The following ENOX1 variants were observed in gnomAD, a reference collection of about 807,000 sequenced individuals.
ENOX1 encodes ecto-NOX disulfide-thiol exchanger 1.
Under a neutral mutation model 82.5 loss-of-function variants are expected in ENOX1, and 42 were observed. The ratio of observed to expected loss-of-function variants is 0.51; its 90% CI spans 0.40 to 0.66. ENOX1 has a LOEUF of 0.66. Among genes scored for constraint, ENOX1 ranks in the 30% least tolerant of loss-of-function variants. The pLI, the probability that ENOX1 is intolerant of heterozygous loss-of-function variation, is 0.00. For synonymous variants in ENOX1, 271 were observed against 282.2 expected (o/e 0.96, Z 0.40); for missense variants, 608 against 811.6 (o/e 0.75, Z 3.05).
intron 3 of ENOX1, among the ~76,000 whole-genome samples, chr13:43,437,040 G>A (rs2056071906): frequency 6.6e-6 from 1 of 152,112 alleles, no homozygotes; most frequent in South Asian, 2.1e-4. Context: ...TGCTGAAGAG[G>A]CCTAAATACA....
chr13:43,658,138 T>A (rs1566721153), intron 2 of ENOX1, among the ~76,000 whole-genome samples: 1 of 152,194 alleles, frequency 6.6e-6, no homozygotes, highest in Non-Finnish European at 1.5e-5. Flanking sequence ...TATAAAAAGT[T>A]ATGTTTATGA....
In ENOX1 at chr13:43,658,816, C is replaced by G. The variant is rs535853076; in HGVS notation, c.-219+8663G>C. ...TGTGTTGGTCCTATCTCTGGGATACCAGGTCTTTCTTTTTATTAGTTTACC... is the reference window on the plus strand; with the variant it reads ...TGTGTTGGTCCTATCTCTGGGATACGAGGTCTTTCTTTTTATTAGTTTACC... On this transcript the variant is annotated intron_variant, in intron 2 of 16. Transcript: ENST00000690772. 3.9e-5 allele frequency among the ~76,000 whole-genome samples: 6 copies of G among 152,232 alleles called. No individual in the cohort carries two copies. The South Asian group carries it at 1.0e-3, about 26-fold the overall frequency.
At chr13:43,448,797 A>G (rs965302040) in intron 3 of ENOX1, among the ~76,000 whole-genome samples, 7 of 152,202 alleles carry the variant, frequency 4.6e-5, no homozygotes, top group African/African-American at 1.7e-4. Context: ...CCAAGAAAGC[A>G]CTTTAACTCA....
chr13:43,268,343 A>T lies in ENOX1; in HGVS notation c.1554+1127T>A, dbSNP rs1175385494. 3.3e-5 allele frequency among the ~76,000 whole-genome samples: 5 copies of T among 152,364 alleles called. No homozygotes were observed. The East Asian group carries it at 9.6e-4, about 29-fold the overall frequency. ...CTCAACTGCAGGTCATTGTGAATTC[A>T]GTCAACTAGATTTTTCATTTCAATC... On this transcript the variant is annotated intron_variant, in intron 13 of 16. Coordinates refer to ENST00000690772, the MANE Select transcript of ENOX1 (RefSeq NM_001347969.2).
intron 8 of ENOX1, among the ~76,000 whole-genome samples, chr13:43,353,144 A>C (rs1295089297): frequency 6.6e-6 from 1 of 152,224 alleles, no homozygotes; most frequent in Non-Finnish European, 1.5e-5. Context: ...ACATCTGGTC[A>C]TGCCCAGTAG....
intron 2 of ENOX1, among the ~76,000 whole-genome samples, chr13:43,659,606 G>C (rs187909221): frequency 6.6e-6 from 1 of 151,706 alleles, no homozygotes; most frequent in African/African-American, 2.4e-5. Flanking sequence ...AATGTCTCAC[G>C]ATCCTTGGCT....
intron 15 of ENOX1, among the ~76,000 whole-genome samples, chr13:43,227,449 T>A (rs2042077376): frequency 6.6e-6 from 1 of 152,216 alleles, no homozygotes. Context: ...ATTCTATTAG[T>A]CTATTATTGA....
At chr13:43,372,702 C>T (rs1252875178) in intron 5 of ENOX1, among the ~76,000 whole-genome samples, 1 of 151,992 alleles carries the variant, frequency 6.6e-6, no homozygotes, top group African/African-American at 2.4e-5. Flanking sequence ...AAGCATAAAC[C>T]ATATGAAATA....
intron 2 of ENOX1, among the ~76,000 whole-genome samples, chr13:43,586,554 C>A (rs1228972598): frequency 3.3e-5 from 5 of 152,208 alleles, no homozygotes; most frequent in Admixed American, 3.3e-4. Context: ...ATCTCTTTGT[C>A]TGCAGTGGCT....
At chr13:43,389,129 G>A (rs1243740103) in intron 5 of ENOX1, among the ~76,000 whole-genome samples, 2 of 152,168 alleles carry the variant, frequency 1.3e-5, no homozygotes, top group Non-Finnish European at 2.9e-5. Flanking sequence ...CTGTTGATAA[G>A]CATATAACTA....
chr13:43,611,282 C>T (rs1175876501), intron 2 of ENOX1, among the ~76,000 whole-genome samples: 1 of 152,106 alleles, frequency 6.6e-6, no homozygotes, highest in African/African-American at 2.4e-5. Flanking sequence ...ATCTGTTAGG[C>T]ATTAAGAATT....
chr13:43,625,159 G>T (rs1410229990), intron 2 of ENOX1, among the ~76,000 whole-genome samples: 1 of 151,908 alleles, frequency 6.6e-6, no homozygotes, highest in African/African-American at 2.4e-5. Context: ...TTCAATTTCT[G>T]TGTCAATGTG....
intron 2 of ENOX1, among the ~76,000 whole-genome samples, chr13:43,586,230 T>C (rs1282058719): frequency 2.0e-5 from 3 of 152,190 alleles, no homozygotes; most frequent in Non-Finnish European, 4.4e-5. Context: ...TTCTAAGACA[T>C]AAATCTGAAA....
At chr13:43,735,420 A>T (rs983407349) in intron 1 of ENOX1, among the ~76,000 whole-genome samples, 3 of 152,286 alleles carry the variant, frequency 2.0e-5, no homozygotes, top group Non-Finnish European at 2.9e-5. Flanking sequence ...GGAGGGTAAA[A>T]GGAAAAAGGG....
chr13:43,752,235 C>G (rs768844134), intron 1 of ENOX1, among the ~76,000 whole-genome samples: 15 of 151,956 alleles, frequency 9.9e-5, no homozygotes, highest in Non-Finnish European at 2.2e-4. Context: ...AGGTTGTTTT[C>G]TTATTATTAC....
At chr13:43,269,377 T>G in intron 13 of ENOX1, 93 bp downstream of exon 13, 1 of 963,610 alleles carries the variant, frequency 1.0e-6, no homozygotes, top group South Asian at 1.4e-5. Context: ...TGCAGATTAC[T>G]TTCAGTAAAT....
At chr13:43,689,942 C>A (rs1409590130) in intron 1 of ENOX1, among the ~76,000 whole-genome samples, 1 of 152,130 alleles carries the variant, frequency 6.6e-6, no homozygotes, top group Non-Finnish European at 1.5e-5. Flanking sequence ...AGAAGCTAGA[C>A]TTCACCCTGA....
At position 43,596,214 on chromosome 13, in the gene ENOX1, G is replaced by T. The variant is rs562538911; in HGVS notation, c.-219+71265C>A. Among the ~76,000 whole-genome samples, 20 of 152,266 alleles carry T rather than the reference G, an allele frequency of 1.3e-4. No individual in the cohort carries two copies. In the South Asian group the frequency reaches 2.3e-3, roughly 17 times the overall value. On this transcript the variant is annotated intron_variant, in intron 2 of 16. Coordinates refer to ENST00000690772, the MANE Select transcript of ENOX1 (RefSeq NM_001347969.2). ...GTTAACATAGATTTTAAACATCTGG[G>T]GACAGGGGAAAAGATCTATCGGGAG... is the stretch of plus-strand genomic sequence containing the variant.
intron 2 of ENOX1, among the ~76,000 whole-genome samples, chr13:43,557,814 T>G (rs926580734): frequency 6.6e-6 from 1 of 152,114 alleles, no homozygotes; most frequent in Non-Finnish European, 1.5e-5. Context: ...AAGTTTTAAA[T>G]TTTTAAAAAA....
Sources: allele counts gnomAD v4.1 joint callset (sites outside exome capture counted in the v4.1 genomes callset), GRCh38; gene constraint gnomAD v4.1.1; transcripts MANE v1.5; gene names NCBI Gene and HGNC (gene_info 2026-07-23, HGNC 2026-07-21).